The following PCDH15 variants were observed in gnomAD, a reference collection of about 807,000 sequenced individuals.
PCDH15 encodes protocadherin-15.
In PCDH15, 129 loss-of-function variants were observed where a neutral mutation model predicts 178.5. That is an observed-to-expected ratio of 0.72 (90% confidence interval 0.63 to 0.84). The LOEUF (loss-of-function observed/expected upper bound fraction) is 0.84, where lower values mean the gene tolerates loss of function less well. PCDH15 is among the 40% of genes least tolerant of loss of function. The probability of loss-of-function intolerance (pLI) is 0.00; values close to 1 mark genes in which losing one functional copy is unlikely to be tolerated. For missense variants in PCDH15, 2,230 were observed against 2,099.9 expected, an observed-to-expected ratio of 1.06 and a Z score of -1.21; for synonymous variants, 800 against 732.0, an observed-to-expected ratio of 1.09 and a Z score of -1.50.
intron 2 of PCDH15, among the ~76,000 whole-genome samples, chr10:54,943,411 G>A: frequency 6.6e-6 from 1 of 151,962 alleles, no homozygotes; most frequent in African/African-American, 2.4e-5. Context: ...CTCTGCCTAT[G>A]TAATTAGGAA....
intron 2 of PCDH15, among the ~76,000 whole-genome samples, chr10:55,384,148 G>T (rs1428406601): frequency 6.6e-6 from 1 of 152,106 alleles, no homozygotes; most frequent in Non-Finnish European, 1.5e-5. Flanking sequence ...TTTAGACTTT[G>T]TTAATCTGTT....
At chr10:54,651,062 A>T (rs2094248791) in intron 2 of PCDH15, among the ~76,000 whole-genome samples, 1 of 152,166 alleles carries the variant, frequency 6.6e-6, no homozygotes, top group South Asian at 2.1e-4. Flanking sequence ...TCTAGGAAGG[A>T]GGGAGAAAGA....
chr10:54,370,096 T>C (rs546732573), intron 4 of PCDH15, among the ~76,000 whole-genome samples: 3 of 152,066 alleles, frequency 2.0e-5, no homozygotes, highest in African/African-American at 7.2e-5. Context: ...ATAAATTCCT[T>C]GAACGGGAAA....
intron 25 of PCDH15, among the ~76,000 whole-genome samples, chr10:53,918,212 A>G (rs1378422476): frequency 6.6e-6 from 1 of 152,152 alleles, no homozygotes; most frequent in Non-Finnish European, 1.5e-5. Context: ...TACATTAGAC[A>G]TTTTACTTCC....
intron 1 of PCDH15, among the ~76,000 whole-genome samples, chr10:55,200,626 C>G (rs1236706877): frequency 5.9e-5 from 9 of 151,992 alleles, no homozygotes. Context: ...GGGCCAGGAA[C>G]AGAATGATAT....
chr10:55,587,069 A>G (rs1842739079), intron 2 of PCDH15, among the ~76,000 whole-genome samples: 1 of 152,060 alleles, frequency 6.6e-6, no homozygotes, highest in South Asian at 2.1e-4. Flanking sequence ...AAGCTTTCTG[A>G]ATGTTCTCTC....
At chr10:55,393,586 C>A (rs2132016459) in intron 2 of PCDH15, among the ~76,000 whole-genome samples, 1 of 152,184 alleles carries the variant, frequency 6.6e-6, no homozygotes, top group East Asian at 1.9e-4. Flanking sequence ...CGTTTCAGGG[C>A]CCATCTGGCA....
At chr10:53,882,227 CAT>C (rs1208747722) in intron 26 of PCDH15, among the ~76,000 whole-genome samples, 9 of 152,098 alleles carry the variant, frequency 5.9e-5, no homozygotes, top group East Asian at 1.9e-4. Context: ...CTCAAGCAGA[CAT>C]ATGTTTCTCA....
chr10:55,052,538 A>C (rs1371968409), intron 2 of PCDH15, among the ~76,000 whole-genome samples: 3 of 49,430 alleles, frequency 6.1e-5, no homozygotes, highest in Non-Finnish European at 1.0e-4. Context: ...CGTCTCATAC[A>C]AAAAAAAAAA....
chr10:54,069,032 C>A (rs1565176559), intron 17 of PCDH15, among the ~76,000 whole-genome samples: 2 of 152,264 alleles, frequency 1.3e-5, no homozygotes, highest in African/African-American at 4.8e-5. Flanking sequence ...GGCTACCATG[C>A]TTTCATGACA....
intron 2 of PCDH15, among the ~76,000 whole-genome samples, chr10:55,398,056 T>C (rs1054435652): frequency 4.6e-5 from 7 of 152,164 alleles, no homozygotes; most frequent in African/African-American, 1.7e-4. Flanking sequence ...ACATGTGATG[T>C]AGTAATTCTA....
chr10:54,257,324 G>A (rs780506537), intron 8 of PCDH15, among the ~76,000 whole-genome samples: 6 of 151,514 alleles, frequency 4.0e-5, no homozygotes, highest in African/African-American at 9.7e-5. Context: ...TTCACATTTC[G>A]TCAGAATTTC....
At chr10:55,387,081 A>AT (rs1837681499) in intron 2 of PCDH15, among the ~76,000 whole-genome samples, 1 of 152,078 alleles carries the variant, frequency 6.6e-6, no homozygotes, top group Admixed American at 6.6e-5. Flanking sequence ...TTTTTATTTG[A>AT]TTTTTTAAAA....
intron 2 of PCDH15, among the ~76,000 whole-genome samples, chr10:54,921,554 G>A (rs1264819856): frequency 6.6e-6 from 1 of 151,884 alleles, no homozygotes; most frequent in Non-Finnish European, 1.5e-5. Context: ...TCAACATTTA[G>A]TTCCCACTTA....
At chr10:54,421,190 G>T (rs930608350) in intron 3 of PCDH15, among the ~76,000 whole-genome samples, 1 of 151,932 alleles carries the variant, frequency 6.6e-6, no homozygotes, top group African/African-American at 2.4e-5. Flanking sequence ...AAACAAAATT[G>T]TCCCATACTA....
At chr10:54,313,753 T>C (rs2061051243) in intron 8 of PCDH15, among the ~76,000 whole-genome samples, 1 of 152,142 alleles carries the variant, frequency 6.6e-6, no homozygotes, top group Non-Finnish European at 1.5e-5. Flanking sequence ...CTCTAGACAT[T>C]ATGATCACTT....
intron 7 of PCDH15, among the ~76,000 whole-genome samples, chr10:54,326,484 A>C (rs1221944421): frequency 6.6e-6 from 1 of 152,182 alleles, no homozygotes; most frequent in Non-Finnish European, 1.5e-5. Context: ...TGATTTATAT[A>C]ATACTGTAAT....
At position 54,079,362 on chromosome 10, in the gene PCDH15, A is replaced by G. The variant is rs1323059801; in HGVS notation, c.2060T>C (p.Ile687Thr). Residue 687 changes from isoleucine to threonine, a missense_variant, in exon 17 of 38, where the codon ATC becomes ACC. Ile to Thr is a moderately conservative substitution (Grantham distance 89). Coordinates refer to ENST00000644397, the MANE Select transcript of PCDH15 (RefSeq NM_001384140.1). ...DRESTDRYIL[I>T]ITASDGRPDG... ...TGGCCTGCCATCTGAAGCTGTGATG[A>G]TCAGAATGTAGCGATCAGTGCTTTC... The G allele has an allele frequency of 6.2e-7, 1 of 1,614,018 alleles. No individual in the cohort carries two copies. The highest frequency in any genetic ancestry group is 2.2e-5 in the East Asian group (1 of 44,880).
intron 2 of PCDH15, among the ~76,000 whole-genome samples, chr10:55,052,464 C>T (rs1490359606): frequency 7.7e-6 from 1 of 130,714 alleles, no homozygotes; most frequent in Non-Finnish European, 1.6e-5. Flanking sequence ...CTTTGGGAGG[C>T]TGATGGAGGC....
Sources: allele counts gnomAD v4.1 joint callset (sites outside exome capture counted in the v4.1 genomes callset), GRCh38; gene constraint gnomAD v4.1.1; transcripts MANE v1.5; gene names NCBI Gene and HGNC (gene_info 2026-07-23, HGNC 2026-07-21).